Variants in NNMT observed in about 807,000 individuals in gnomAD.
The protein encoded by NNMT is nicotinamide N-methyltransferase.
NNMT carries 10 observed loss-of-function variants against 11.7 expected under a neutral mutation model. That is an observed-to-expected ratio of 0.85 (90% CI 0.53 to 1.45). NNMT has a LOEUF of 1.45. NNMT is among the 40% of genes most tolerant of loss of function. The probability of loss-of-function intolerance (pLI) is 0.00; values close to 1 mark genes in which losing one functional copy is unlikely to be tolerated. For synonymous variants in NNMT, 143 were observed against 133.8 expected, an observed-to-expected ratio of 1.07 and a Z score of -0.48; for missense variants, 381 against 319.4, an observed-to-expected ratio of 1.19 and a Z score of -1.47.
At chr11:114,259,688 C>A (rs895569720) in intron 1 of NNMT, among the ~76,000 whole-genome samples, 2 of 140,658 alleles carry the variant, frequency 1.4e-5, no homozygotes, top group Admixed American at 7.0e-5. Flanking sequence ...CCAGGGGGTG[C>A]CTCAGTGAAA....
intron 2 of NNMT, among the ~76,000 whole-genome samples, chr11:114,300,914 C>T (rs1945431975): frequency 6.6e-6 from 1 of 152,116 alleles, no homozygotes; most frequent in East Asian, 1.9e-4. Context: ...ATCCTTGTGT[C>T]AGTATTTTCA....
chr11:114,307,997 G>A (rs879841412), intron 2 of NNMT, among the ~76,000 whole-genome samples: 4 of 151,510 alleles, frequency 2.6e-5, no homozygotes, highest in Admixed American at 6.6e-5. Context: ...GCTTTCTCCC[G>A]CCACCCACCC....
intron 1 of NNMT, among the ~76,000 whole-genome samples, chr11:114,259,685 G>A (rs955284478): frequency 7.0e-6 from 1 of 142,636 alleles, no homozygotes; most frequent in African/African-American, 2.6e-5. Context: ...CACCCAGGGG[G>A]TGCCTCAGTG....
At chr11:114,260,024 C>T (rs898252182) in intron 1 of NNMT, among the ~76,000 whole-genome samples, 10 of 152,268 alleles carry the variant, frequency 6.6e-5, no homozygotes, top group Non-Finnish European at 1.2e-4. Context: ...CTCTGGGACC[C>T]GATGGGGCTC....
chr11:114,269,695 G>A (rs1334341932), intron 2 of NNMT, among the ~76,000 whole-genome samples: 2 of 152,156 alleles, frequency 1.3e-5, no homozygotes, highest in African/African-American at 4.8e-5. Flanking sequence ...GGTGTTGTTT[G>A]CATTTTCTGT....
At chr11:114,260,085 C>A (rs1018185307) in intron 1 of NNMT, among the ~76,000 whole-genome samples, 3 of 152,200 alleles carry the variant, frequency 2.0e-5, no homozygotes, top group African/African-American at 4.8e-5. Context: ...CACAACAGCT[C>A]ACCAAGCAGA....
chr11:114,303,471 G>A (rs1945458645), intron 2 of NNMT, among the ~76,000 whole-genome samples: 1 of 152,056 alleles, frequency 6.6e-6, no homozygotes, highest in Admixed American at 6.6e-5. Flanking sequence ...ATCAAATTTA[G>A]AATTATTTGG....
At chr11:114,280,861 G>A (rs990139363) in intron 2 of NNMT, among the ~76,000 whole-genome samples, 2 of 152,084 alleles carry the variant, frequency 1.3e-5, no homozygotes, top group Non-Finnish European at 1.5e-5. Context: ...GCTTGTCCCC[G>A]GCCTGCTCAT....
At chr11:114,308,070 C>A (rs1315526313) in intron 2 of NNMT, among the ~76,000 whole-genome samples, 1 of 152,054 alleles carries the variant, frequency 6.6e-6, no homozygotes, top group East Asian at 1.9e-4. Context: ...TCCCCAGTGC[C>A]CAGCCTATTT....
At chr11:114,283,905 G>C (rs1945278944) in intron 2 of NNMT, among the ~76,000 whole-genome samples, 1 of 152,206 alleles carries the variant, frequency 6.6e-6, no homozygotes, top group African/African-American at 2.4e-5. Context: ...AGAGGGAGAA[G>C]AGTGAACTTC....
rs1236488127 is a variant in NNMT at position 114,279,520 on chromosome 11, C to A, written c.-130+16586C>A. On this transcript the variant is annotated intron_variant, in intron 2 of 4. Transcript: ENST00000535401. ...TGGGGTCAGATCAGGAGTTGGATACCAGAAGAAGCTTGCAGCAGATGGGAC... is the reference window on the plus strand; with the variant it reads ...TGGGGTCAGATCAGGAGTTGGATACAAGAAGAAGCTTGCAGCAGATGGGAC... 3.9e-5 allele frequency among the ~76,000 whole-genome samples: 6 copies of A among 152,234 alleles called. No individual in the cohort carries two copies. In the South Asian group the frequency reaches 1.0e-3, roughly 26 times the overall value.
chr11:114,299,705 G>C (rs938672200), intron 2 of NNMT, among the ~76,000 whole-genome samples: 1 of 152,100 alleles, frequency 6.6e-6, no homozygotes, highest in Non-Finnish European at 1.5e-5. Context: ...ATGGTTACTT[G>C]GATTTTCCGT....
At position 114,283,091 on chromosome 11, in the gene NNMT, G is replaced by A. The variant is rs182542772; in HGVS notation, c.-129-13337G>A. On this transcript the variant is annotated intron_variant, in intron 2 of 4. Coordinates refer to the NNMT transcript ENST00000535401. ...GCTGATGGGGGTGTAGACTGGTATA[G>A]CCTTGCTGGGGGCAATCTGGTGGTT... Among the ~76,000 whole-genome samples, 115 of 152,290 alleles carry A rather than the reference G, an allele frequency of 7.6e-4. 1 individual carries two copies. The highest frequency in any genetic ancestry group is 8.2e-4 in the Non-Finnish European group (56 of 68,010).
chr11:114,312,388 G>A lies in NNMT; in HGVS notation c.706G>A (p.Glu236Lys), dbSNP rs781361198. ...GGCTGGCTACACAATCGAATGGTTT[G>A]AGGTGATCTCGCAAAGTTATTCTTC... ...KEAGYTIEWF[E>K]VISQSYSSTM... Residue 236 changes from glutamate to lysine, a missense_variant, in exon 3 of 3, where the codon GAG becomes AAG. Physicochemically the swap from Glu to Lys is moderately conservative, Grantham distance 56. Coordinates refer to ENST00000299964, the MANE Select transcript of NNMT (RefSeq NM_006169.3). The A allele has an allele frequency of 6.2e-7, 1 of 1,614,266 alleles. No individual in the cohort carries two copies. Among genetic ancestry groups the A allele is most frequent in the Non-Finnish European group, 8.5e-7 (1 of 1,180,050 alleles).
intron 2 of NNMT, among the ~76,000 whole-genome samples, chr11:114,300,580 G>T (rs1945428863): frequency 8.2e-6 from 1 of 121,892 alleles, no homozygotes; most frequent in South Asian, 3.3e-4. Flanking sequence ...CCTTACTGAC[G>T]TTTTGTTTAC....
chr11:114,278,945 G>T (rs1045915748), intron 2 of NNMT, among the ~76,000 whole-genome samples: 1 of 152,206 alleles, frequency 6.6e-6, no homozygotes, highest in African/African-American at 2.4e-5. Flanking sequence ...GGTTTCCAGG[G>T]CAGGTGCCCT....
At chr11:114,258,656 C>T (rs965671234) in intron 1 of NNMT, among the ~76,000 whole-genome samples, 8 of 152,222 alleles carry the variant, frequency 5.3e-5, no homozygotes, top group Admixed American at 2.0e-4. Context: ...AGCATCATGT[C>T]GCTCCCTAGA....
At chr11:114,258,335 G>A (rs505978) in intron 1 of NNMT, among the ~76,000 whole-genome samples, 1 of 152,102 alleles carries the variant, frequency 6.6e-6, no homozygotes, top group Non-Finnish European at 1.5e-5. Context: ...CCTCCCAGTC[G>A]CTCTGAGGAA....
At chr11:114,303,954 T>C (rs1945465625) in intron 2 of NNMT, among the ~76,000 whole-genome samples, 1 of 152,202 alleles carries the variant, frequency 6.6e-6, no homozygotes, top group African/African-American at 2.4e-5. Flanking sequence ...TTAACCTGTA[T>C]ACCCCTGACT....
Sources: gnomAD v4.1 joint callset for allele counts (sites outside exome capture counted in the v4.1 genomes callset) on GRCh38, gnomAD v4.1.1 for gene constraint, MANE v1.5 for transcripts, NCBI Gene and HGNC (gene_info 2026-07-23, HGNC 2026-07-21) for gene names.